TMIGD3: variants seen among roughly 807,000 people sequenced by gnomAD.
TMIGD3 encodes the protein transmembrane and immunoglobulin domain containing 3, also known as AD026 protein (AD026).
In TMIGD3, 21 loss-of-function variants were observed where a neutral mutation model predicts 28.1. The observed-to-expected ratio is 0.75, with a 90% CI of 0.53 to 1.08. The LOEUF is 1.08. Ranked by LOEUF, TMIGD3 falls within the 50% of genes least tolerant of loss-of-function variation. The pLI is 0.00. For missense variants in TMIGD3, 416 were observed against 435.6 expected, an observed-to-expected ratio of 0.96 and a Z score of 0.40; for synonymous variants, 151 against 162.1, an observed-to-expected ratio of 0.93 and a Z score of 0.52.
At chr1:111,526,052 C>A (rs1656250771) in intron 1 of TMIGD3, among the ~76,000 whole-genome samples, 2 of 151,112 alleles carry the variant, frequency 1.3e-5, no homozygotes, top group Non-Finnish European at 3.0e-5. Flanking sequence ...GTTCTTTTTC[C>A]TCTTTTTATG....
At chr1:111,543,851 G>A (rs1156247720) in intron 1 of TMIGD3, among the ~76,000 whole-genome samples, 1 of 152,124 alleles carries the variant, frequency 6.6e-6, no homozygotes, top group Non-Finnish European at 1.5e-5. Flanking sequence ...AAGTTGGTAA[G>A]GGTTTATTTT....
At chr1:111,562,154 G>A (rs762519789) in intron 1 of TMIGD3, among the ~76,000 whole-genome samples, 4 of 152,072 alleles carry the variant, frequency 2.6e-5, no homozygotes, top group Non-Finnish European at 4.4e-5. Flanking sequence ...TGTGGGCAAC[G>A]TGGACAAATC....
chr1:111,535,327 C>T lies in TMIGD3; in HGVS notation c.107+28519G>A, dbSNP rs116191817. Among the ~76,000 whole-genome samples the T allele has an allele frequency of 7.9e-3, 1,198 of 152,310 alleles. 6 individuals are homozygous for T. Among genetic ancestry groups the T allele is most frequent in the Non-Finnish European group, 0.013 (894 of 68,018 alleles). The stretch of plus-strand genomic sequence containing the variant: ...AATCACAGAAAAAATATCACACAGA[C>T]GCTTAGTGCAATATACATATACGTA... On this transcript the variant is annotated intron_variant, in intron 1 of 5. Transcript: ENST00000369717.
intron 1 of TMIGD3, among the ~76,000 whole-genome samples, chr1:111,535,534 C>T (rs1170229672): frequency 1.3e-5 from 2 of 152,194 alleles, no homozygotes; most frequent in African/African-American, 2.4e-5. Flanking sequence ...ACCCAGCAGT[C>T]CAAGAACTTG....
intron 1 of TMIGD3, among the ~76,000 whole-genome samples, chr1:111,541,275 C>G (rs561483502): frequency 6.6e-6 from 1 of 152,106 alleles, no homozygotes; most frequent in Non-Finnish European, 1.5e-5. Context: ...AAATACAAAC[C>G]ATAATGGGAT....
intron 1 of TMIGD3, among the ~76,000 whole-genome samples, chr1:111,527,763 T>C (rs1047882769): frequency 1.1e-3 from 161 of 152,380 alleles, no homozygotes; most frequent in African/African-American, 3.5e-3. Flanking sequence ...AGATGGATCA[T>C]CTTTTCATAT....
chr1:111,495,844 G>C (rs1654864031), intron 1 of TMIGD3, among the ~76,000 whole-genome samples: 1 of 152,352 alleles, frequency 6.6e-6, no homozygotes, highest in South Asian at 2.1e-4. Flanking sequence ...ACAAGATCAT[G>C]TCCTTTGCAG....
At chr1:111,488,503 C>G (rs908890803) in intron 3 of TMIGD3, among the ~76,000 whole-genome samples, 174 bp downstream of exon 3, 1 of 152,170 alleles carries the variant, frequency 6.6e-6, no homozygotes, top group Non-Finnish European at 1.5e-5. Flanking sequence ...CAGCTATTCC[C>G]CAGCACTGTT....
chr1:111,528,936 T>C (rs541756634), intron 1 of TMIGD3, among the ~76,000 whole-genome samples: 25 of 152,158 alleles, frequency 1.6e-4, no homozygotes, highest in Admixed American at 3.3e-4. Flanking sequence ...TGGAATTTTC[T>C]ATAATCATGT....
chr1:111,499,101 AG>A (rs1655028595), intron 1 of TMIGD3, among the ~76,000 whole-genome samples: 1 of 148,510 alleles, frequency 6.7e-6, no homozygotes. Context: ...AAAAAAAAAA[AG>A]AAAAAAAAGA....
intron 1 of TMIGD3, among the ~76,000 whole-genome samples, chr1:111,520,512 G>C (rs1656024061): frequency 6.6e-6 from 1 of 152,232 alleles, no homozygotes; most frequent in Non-Finnish European, 1.5e-5. Flanking sequence ...TCTTAACCAG[G>C]TGAATAGAAG....
At chr1:111,554,248 C>T (rs1441069870) in intron 1 of TMIGD3, among the ~76,000 whole-genome samples, 2 of 152,124 alleles carry the variant, frequency 1.3e-5, no homozygotes, top group African/African-American at 2.4e-5. Context: ...AGAAACATCC[C>T]GGAGTTTAGA....
chr1:111,516,304 G>T (rs907860742), intron 1 of TMIGD3, among the ~76,000 whole-genome samples: 9 of 152,226 alleles, frequency 5.9e-5, no homozygotes, highest in African/African-American at 2.2e-4. Context: ...TCAGTCAGGA[G>T]GAGGAACTTG....
rs986303279 is a variant in TMIGD3 at position 111,486,470 on chromosome 1, T to C, written c.872+116A>G. On this transcript the variant is annotated intron_variant, in intron 4 of 5. Transcript: ENST00000369716. Reference sequence around the variant, plus strand: ...ATACATAGTTAAGGTGGAGAAATAATGTGCAGTAGAAAAGTTGTCGGTGCA... The same window carrying C: ...ATACATAGTTAAGGTGGAGAAATAACGTGCAGTAGAAAAGTTGTCGGTGCA... 6.0e-5 allele frequency: 43 copies of C among 716,252 alleles called. No individual in the cohort carries two copies. The African/African-American group carries it at 6.8e-4, about 11-fold the overall frequency. 44.4% of individuals were successfully genotyped at this position (716,252 alleles called of 1,614,324 possible). A position where few individuals can be genotyped will look rare whatever the true frequency, so the allele number is the denominator to read the frequency against.
chr1:111,506,874 C>A (rs769971075), upstream of TMIGD3, among the ~76,000 whole-genome samples: 3 of 146,382 alleles, frequency 2.0e-5, no homozygotes, highest in Non-Finnish European at 4.5e-5. Flanking sequence ...GATCAAGGTA[C>A]AATTTTTTTC....
intron 1 of TMIGD3, among the ~76,000 whole-genome samples, chr1:111,502,048 A>ATT (rs1655207387): frequency 1.5e-5 from 2 of 134,148 alleles, no homozygotes; most frequent in Non-Finnish European, 3.2e-5. Context: ...ATATATATTT[A>ATT]ATATAATAAA....
chr1:111,487,399 C>A (rs1291263319), intron 3 of TMIGD3, among the ~76,000 whole-genome samples: 1 of 152,152 alleles, frequency 6.6e-6, no homozygotes, highest in Non-Finnish European at 1.5e-5. Context: ...TCCAAGGGCA[C>A]CCCTTAAGCC....
chr1:111,543,339 A>C (rs1174153830), intron 1 of TMIGD3, among the ~76,000 whole-genome samples: 1 of 152,146 alleles, frequency 6.6e-6, no homozygotes, highest in African/African-American at 2.4e-5. Flanking sequence ...AGCAACTGAC[A>C]AATTTTATTT....
chr1:111,494,144 G>C (rs1654785159), intron 1 of TMIGD3, among the ~76,000 whole-genome samples: 1 of 152,224 alleles, frequency 6.6e-6, no homozygotes, highest in Non-Finnish European at 1.5e-5. Flanking sequence ...TAGGAAGTCG[G>C]ATTGCTATCT....
Sources: gnomAD v4.1 joint callset for allele counts (sites outside exome capture counted in the v4.1 genomes callset) on GRCh38, gnomAD v4.1.1 for gene constraint, MANE v1.5 for transcripts, NCBI Gene and HGNC (gene_info 2026-07-23, HGNC 2026-07-21) for gene names.